Variants in LUZP2 observed in about 807,000 individuals in gnomAD.
LUZP2 encodes leucine zipper protein 2.
Under a neutral mutation model 51.6 loss-of-function variants are expected in LUZP2, and 52 were observed. The ratio of observed to expected loss-of-function variants is 1.01; its 90% CI spans 0.81 to 1.27. The LOEUF (loss-of-function observed/expected upper bound fraction) is 1.27. Among genes scored for constraint, LUZP2 ranks in the 50% most tolerant of loss-of-function variants. The pLI, the probability that LUZP2 is intolerant of heterozygous loss-of-function variation, is 0.00. For missense variants in LUZP2, 436 were observed against 395.4 expected (o/e 1.10, Z -0.87); for synonymous variants, 154 against 137.3 (o/e 1.12, Z -0.85).
At chr11:24,559,060 A>G (rs1304825150) in intron 1 of LUZP2, among the ~76,000 whole-genome samples, 5 of 152,234 alleles carry the variant, frequency 3.3e-5, no homozygotes, top group Admixed American at 2.6e-4. Flanking sequence ...TATAGCATAT[A>G]AATAACTGGC....
At chr11:24,898,030 A>G (rs181574231) in intron 5 of LUZP2, among the ~76,000 whole-genome samples, 2 of 152,164 alleles carry the variant, frequency 1.3e-5, no homozygotes. Context: ...TTCAGTTTTA[A>G]CAGATGCCTA....
intron 7 of LUZP2, among the ~76,000 whole-genome samples, chr11:24,951,180 G>A (rs1855067669): frequency 6.6e-6 from 1 of 151,552 alleles, no homozygotes; most frequent in South Asian, 2.1e-4. Flanking sequence ...TGGGTATCAG[G>A]TGTATGGGTA....
chr11:24,800,276 T>C (rs1428190601), intron 5 of LUZP2, among the ~76,000 whole-genome samples: 3 of 152,130 alleles, frequency 2.0e-5, no homozygotes, highest in African/African-American at 7.2e-5. Flanking sequence ...GAAATTCTCA[T>C]GAAAGACTCC....
chr11:24,539,401 ATAAAT>A (rs1159564813), intron 1 of LUZP2, among the ~76,000 whole-genome samples: 3 of 151,908 alleles, frequency 2.0e-5, no homozygotes, highest in African/African-American at 7.2e-5. Context: ...AGTTTTGATA[ATAAAT>A]TATATGGTAA....
At chr11:24,600,196 C>T (rs1025594011) in intron 1 of LUZP2, among the ~76,000 whole-genome samples, 1 of 150,730 alleles carries the variant, frequency 6.6e-6, no homozygotes, top group African/African-American at 2.5e-5. Context: ...CACACACACA[C>T]ACACACACAC....
At chr11:24,680,613 T>G (rs1179535625) in intron 1 of LUZP2, among the ~76,000 whole-genome samples, 1 of 152,202 alleles carries the variant, frequency 6.6e-6, no homozygotes, top group Non-Finnish European at 1.5e-5. Flanking sequence ...ATTTCTTCAT[T>G]GTGATTGGAG....
intron 5 of LUZP2, among the ~76,000 whole-genome samples, chr11:24,833,677 C>T (rs571642384): frequency 4.1e-4 from 61 of 148,608 alleles, no homozygotes; most frequent in African/African-American, 1.4e-3. Context: ...TAGTTTTACA[C>T]ACGTCACGTC....
intron 6 of LUZP2, among the ~76,000 whole-genome samples, chr11:24,908,319 T>C (rs1437652697): frequency 6.6e-6 from 1 of 152,164 alleles, no homozygotes; most frequent in Admixed American, 6.5e-5. Context: ...GAAATGCTGT[T>C]TGAACATGAA....
At chr11:24,661,861 G>A (rs1856032735) in intron 1 of LUZP2, among the ~76,000 whole-genome samples, 1 of 152,100 alleles carries the variant, frequency 6.6e-6, no homozygotes, top group African/African-American at 2.4e-5. Context: ...TAATGTTAAT[G>A]CTCTTGAGAG....
At chr11:24,688,049 A>G (rs954690045) in intron 1 of LUZP2, among the ~76,000 whole-genome samples, 1 of 151,850 alleles carries the variant, frequency 6.6e-6, no homozygotes, top group Admixed American at 6.6e-5. Context: ...CTGCCAAACA[A>G]TGTCATTCTC....
chr11:24,760,157 G>A (rs905459466), intron 4 of LUZP2, among the ~76,000 whole-genome samples: 7 of 152,148 alleles, frequency 4.6e-5, no homozygotes, highest in Non-Finnish European at 7.4e-5. Flanking sequence ...CTAAGAGTTA[G>A]AATCAATAGT....
In LUZP2 at chr11:24,602,622, G is replaced by A. The variant is rs569190435; in HGVS notation, c.62+105317G>A. ...ATATCATGTGTTGAATTTTGAGAGT[G>A]ACAATTTCATTCCCCTAACCTAGAA... On this transcript the variant is annotated intron_variant, in intron 1 of 11. Transcript: ENST00000336930. Among the ~76,000 whole-genome samples the A allele has an allele frequency of 5.9e-5, 9 of 151,464 alleles. No homozygotes were observed. The East Asian group carries it at 1.7e-3, about 29-fold the overall frequency.
rs573414580 is a variant in LUZP2 at position 24,744,870 on chromosome 11, C to T, written c.333+6568C>T. ...GGGCTATGAACTTTCCTCATAGCAC[C>T]ACCTTTCCCGTATCCCAGAGGTTTT... On this transcript the variant is annotated intron_variant, in intron 4 of 11. Transcript: ENST00000336930. 2.0e-3 allele frequency among the ~76,000 whole-genome samples: 309 copies of T among 152,078 alleles called. 2 individuals carry two copies. The highest frequency in any genetic ancestry group is 7.3e-3 in the African/African-American group (301 of 41,498).
At chr11:25,062,396 G>A (rs1858864313) in intron 10 of LUZP2, among the ~76,000 whole-genome samples, 1 of 148,612 alleles carries the variant, frequency 6.7e-6, no homozygotes, top group African/African-American at 2.4e-5. Context: ...ACCAGCCTGG[G>A]AAACATGTTG....
At chr11:25,038,849 G>A (rs530384639) in intron 9 of LUZP2, among the ~76,000 whole-genome samples, 15 of 152,110 alleles carry the variant, frequency 9.9e-5, no homozygotes, top group Admixed American at 6.5e-4. Flanking sequence ...TAGAGCTAAG[G>A]CTCTGTACAA....
intron 7 of LUZP2, among the ~76,000 whole-genome samples, chr11:24,959,291 G>GAA (rs1169459383): frequency 6.6e-6 from 1 of 152,120 alleles, no homozygotes; most frequent in Non-Finnish European, 1.5e-5. Context: ...ATTCTGTGAA[G>GAA]AAAGTCATTG....
intron 4 of LUZP2, among the ~76,000 whole-genome samples, chr11:24,742,897 A>G (rs1049123898): frequency 2.6e-5 from 4 of 151,786 alleles, no homozygotes. Context: ...AGATTATTTC[A>G]TTCTCCTATA....
intron 5 of LUZP2, among the ~76,000 whole-genome samples, chr11:24,781,941 A>C (rs1354640475): frequency 6.6e-6 from 1 of 152,050 alleles, no homozygotes; most frequent in East Asian, 1.9e-4. Context: ...CAAGTTCCCA[A>C]GTGATGCCAA....
At chr11:24,660,185 G>T (rs1178585410) in intron 1 of LUZP2, among the ~76,000 whole-genome samples, 1 of 152,138 alleles carries the variant, frequency 6.6e-6, no homozygotes, top group Non-Finnish European at 1.5e-5. Flanking sequence ...AGAGGAACCT[G>T]GTTTGAAGGC....
Sources: gnomAD v4.1 joint callset for allele counts (sites outside exome capture counted in the v4.1 genomes callset) on GRCh38, gnomAD v4.1.1 for gene constraint, MANE v1.5 for transcripts, NCBI Gene and HGNC (gene_info 2026-07-23, HGNC 2026-07-21) for gene names.